Variants in GRIK2 observed in about 807,000 individuals in gnomAD.
GRIK2 encodes glutamate receptor ionotropic, kainate 2.
A neutral mutation model predicts 100.3 loss-of-function variants in GRIK2; 32 were observed. The ratio of observed to expected loss-of-function variants is 0.32; its 90% CI spans 0.24 to 0.43. The LOEUF (loss-of-function observed/expected upper bound fraction) is 0.43. Ranked by LOEUF, GRIK2 falls within the 20% of genes least tolerant of loss-of-function variation. The pLI is 1.00. For missense variants in GRIK2, 843 were observed against 1,114.9 expected, an observed-to-expected ratio of 0.76 and a Z score of 3.47; for synonymous variants, 417 against 389.4, an observed-to-expected ratio of 1.07 and a Z score of -0.83.
At chr6:101,486,833 T>C (rs2128264468) in intron 2 of GRIK2, among the ~76,000 whole-genome samples, 1 of 147,016 alleles carries the variant, frequency 6.8e-6, no homozygotes, top group Middle Eastern at 3.5e-3. Context: ...AGTAACGAAG[T>C]ATATGAAATA....
At chr6:101,731,847 A>C (rs1775295071) in intron 7 of GRIK2, among the ~76,000 whole-genome samples, 1 of 152,050 alleles carries the variant, frequency 6.6e-6, no homozygotes, top group African/African-American at 2.4e-5. Context: ...ACAGAATCTT[A>C]AACTGTATCC....
At chr6:101,626,037 C>T (rs1455207250) in intron 3 of GRIK2, among the ~76,000 whole-genome samples, 2 of 152,012 alleles carry the variant, frequency 1.3e-5, no homozygotes, top group Non-Finnish European at 1.5e-5. Flanking sequence ...AGAAGCTGCA[C>T]TATTCCCTCA....
intron 16 of GRIK2, among the ~76,000 whole-genome samples, chr6:102,060,644 G>A (rs748913906): frequency 3.3e-5 from 5 of 150,588 alleles, no homozygotes; most frequent in African/African-American, 1.2e-4. Flanking sequence ...CAGTAAAAAT[G>A]TTATGTCAAT....
chr6:101,991,111 C>T (rs977804614), intron 14 of GRIK2, among the ~76,000 whole-genome samples: 14 of 151,906 alleles, frequency 9.2e-5, no homozygotes, highest in African/African-American at 3.4e-4. Flanking sequence ...AGTATGGATT[C>T]TGATAGTTTT....
chr6:102,052,399 C>T (rs1350731311), intron 15 of GRIK2, among the ~76,000 whole-genome samples: 2 of 152,102 alleles, frequency 1.3e-5, no homozygotes, highest in Non-Finnish European at 2.9e-5. Flanking sequence ...TTTAAACATT[C>T]CTATGTTCAT....
intron 2 of GRIK2, among the ~76,000 whole-genome samples, chr6:101,459,947 G>C (rs1771210938): frequency 6.6e-6 from 1 of 152,076 alleles, no homozygotes. Context: ...AGTAGAGACA[G>C]GGTTTCACCA....
At chr6:101,537,442 T>TTGTGTG (rs72439810) in intron 2 of GRIK2, among the ~76,000 whole-genome samples, 8 of 134,072 alleles carry the variant, frequency 6.0e-5, no homozygotes, top group Non-Finnish European at 1.3e-4. Context: ...GTGTGTGTGT[T>TTGTGTG]TGTGTGTGTG....
intron 2 of GRIK2, chr6:101,430,612 T>C (rs781409693): frequency 2.3e-4 from 37 of 163,060 alleles, no homozygotes; most frequent in Non-Finnish European, 3.7e-4. Flanking sequence ...TGTCAGCATA[T>C]AGGTCCTTGT....
chr6:101,721,589 TA>T (rs2128365653), intron 7 of GRIK2, among the ~76,000 whole-genome samples: 1 of 152,048 alleles, frequency 6.6e-6, no homozygotes, highest in African/African-American at 2.4e-5. Flanking sequence ...GGCAACAGAG[TA>T]AGATCTTGTC....
chr6:101,672,945 T>C (rs1026630847), intron 4 of GRIK2, among the ~76,000 whole-genome samples: 4 of 152,210 alleles, frequency 2.6e-5, no homozygotes, highest in Non-Finnish European at 5.9e-5. Context: ...ATTAATGGGA[T>C]TGCTGAGTTG....
chr6:101,402,127 C>A (rs185082175), intron 2 of GRIK2, among the ~76,000 whole-genome samples: 444 of 152,252 alleles, frequency 2.9e-3, no homozygotes, highest in Non-Finnish European at 5.2e-3. Flanking sequence ...GCAGCCCCCG[C>A]TTAGAGTGCT....
rs2114546219 is a variant in GRIK2, at chr6:102,068,517, G to A, written c.*6G>A. 1.9e-6 allele frequency: 3 copies of A among 1,609,534 alleles called. No individual in the cohort carries two copies. The highest frequency in any genetic ancestry group is 3.3e-4 in the Middle Eastern group (2 of 6,028). On this transcript the variant is annotated 3_prime_UTR_variant, in exon 17 of 17. Transcript: ENST00000369134. Reference sequence around the variant, plus strand: ...GTAAAGAAACCATGGCATAAAGCTGGGAGGCCAAACACCCAAGCACAAACT... The same window carrying A: ...GTAAAGAAACCATGGCATAAAGCTGAGAGGCCAAACACCCAAGCACAAACT...
chr6:101,800,775 C>T (rs954510709), intron 8 of GRIK2, among the ~76,000 whole-genome samples: 7 of 152,000 alleles, frequency 4.6e-5, no homozygotes, highest in African/African-American at 1.7e-4. Flanking sequence ...ACTTAGTGAG[C>T]TGTAGACACA....
chr6:101,409,430 A>G (rs551893345), intron 2 of GRIK2, among the ~76,000 whole-genome samples: 1 of 152,210 alleles, frequency 6.6e-6, no homozygotes, highest in Non-Finnish European at 1.5e-5. Context: ...GTTGTTAAGC[A>G]CTCATGAATG....
At chr6:101,482,604 G>A (rs2518169) in intron 2 of GRIK2, among the ~76,000 whole-genome samples, 39,315 of 152,064 alleles carry the variant, frequency 0.26, 5,840 homozygotes, top group East Asian at 0.36. Context: ...TGGAAGTTAT[G>A]GAAATGTAAA....
intron 1 of GRIK2, among the ~76,000 whole-genome samples, chr6:101,397,756 TA>T (rs575053018): frequency 1.2e-3 from 183 of 152,252 alleles, no homozygotes; most frequent in African/African-American, 2.6e-3. Flanking sequence ...TCAGATAGGA[TA>T]TTTTTTTGTG....
intron 15 of GRIK2, among the ~76,000 whole-genome samples, chr6:102,047,279 AT>A (rs1253002466): frequency 6.6e-6 from 1 of 152,142 alleles, no homozygotes; most frequent in African/African-American, 2.4e-5. Flanking sequence ...CTTTAAAAAA[AT>A]AAACAAAATA....
chr6:101,904,363 T>C (rs935013936), intron 12 of GRIK2, among the ~76,000 whole-genome samples: 2 of 151,500 alleles, frequency 1.3e-5, no homozygotes, highest in African/African-American at 4.8e-5. Flanking sequence ...GATAACAATT[T>C]GAAGTTTTTA....
chr6:101,924,483 G>T, intron 12 of GRIK2, 118 bp from the exon 13 acceptor site: 1 of 657,836 alleles, frequency 1.5e-6, no homozygotes, highest in South Asian at 1.9e-5. Flanking sequence ...AAAAATGTCT[G>T]TTTCTGCTTT....
Sources: gnomAD v4.1 joint callset for allele counts (sites outside exome capture counted in the v4.1 genomes callset) on GRCh38, gnomAD v4.1.1 for gene constraint, MANE v1.5 for transcripts, NCBI Gene and HGNC (gene_info 2026-07-23, HGNC 2026-07-21) for gene names.